CLNK: variants seen among roughly 807,000 people sequenced by gnomAD.
The protein encoded by CLNK is cytokine-dependent hematopoietic cell linker.
A neutral mutation model predicts 68.6 loss-of-function variants in CLNK; 74 were observed. That is an observed-to-expected ratio of 1.08 (90% CI 0.89 to 1.31). CLNK has a LOEUF of 1.31. Among genes scored for constraint, CLNK ranks in the 50% most tolerant of loss-of-function variants. CLNK has a pLI of 0.00. For synonymous variants in CLNK, 198 were observed against 172.2 expected, an observed-to-expected ratio of 1.15 and a Z score of -1.17; for missense variants, 553 against 515.3, an observed-to-expected ratio of 1.07 and a Z score of -0.71.
chr4:10,564,351 G>C (rs1720012869), intron 7 of CLNK, among the ~76,000 whole-genome samples: 1 of 152,190 alleles, frequency 6.6e-6, no homozygotes, highest in Non-Finnish European at 1.5e-5. Flanking sequence ...ATTATGATCA[G>C]AAAGATTTGA....
chr4:10,537,684 TTCCTTCCTTC>T (rs1718838768), intron 11 of CLNK, among the ~76,000 whole-genome samples: 5 of 58,962 alleles, frequency 8.5e-5, no homozygotes, highest in African/African-American at 1.3e-4. Flanking sequence ...TCTTTCTTCC[TTCCTTCCTTC>T]CTTCCTTCCT....
At chr4:10,643,253 T>C (rs1342861059) in intron 2 of CLNK, among the ~76,000 whole-genome samples, 1 of 152,214 alleles carries the variant, frequency 6.6e-6, no homozygotes, top group African/African-American at 2.4e-5. Context: ...TTCACACTCA[T>C]GAGATACCAT....
chr4:10,546,353 T>G (rs1044772148), intron 8 of CLNK, among the ~76,000 whole-genome samples: 1 of 152,234 alleles, frequency 6.6e-6, no homozygotes, highest in Non-Finnish European at 1.5e-5. Context: ...CTGCTAGATA[T>G]CCTAGTTTAT....
At chr4:10,632,035 T>C (rs564243925) in intron 2 of CLNK, among the ~76,000 whole-genome samples, 26 of 152,364 alleles carry the variant, frequency 1.7e-4, no homozygotes, top group African/African-American at 5.8e-4. Context: ...GAATAGCTCT[T>C]GTCTAGGGTG....
At chr4:10,535,213 G>GAGAA (rs57053319) in intron 11 of CLNK, among the ~76,000 whole-genome samples, 9,453 of 131,246 alleles carry the variant, frequency 0.072, 413 homozygotes, top group Middle Eastern at 0.12. Flanking sequence ...AAGAAAGAAA[G>GAGAA]AGAAAGAAAG....
At position 10,657,911 on chromosome 4, in the gene CLNK, A is replaced by G. The variant is rs538815701; in HGVS notation, c.11+9948T>C. The stretch of plus-strand genomic sequence containing the variant: ...TCCAATTACTTAGAATCAGCTTTTG[A>G]GCAACAGAAGTCAAATTATCAGTCT... On this transcript the variant is annotated intron_variant, in intron 2 of 18. Transcript: ENST00000226951. Among the ~76,000 whole-genome samples the G allele has an allele frequency of 1.6e-4, 24 of 152,340 alleles. No homozygotes were observed. The East Asian group carries it at 4.2e-3, about 27-fold the overall frequency.
At chr4:10,638,171 A>T (rs1458165724) in intron 2 of CLNK, among the ~76,000 whole-genome samples, 1 of 152,150 alleles carries the variant, frequency 6.6e-6, no homozygotes, top group Admixed American at 6.5e-5. Flanking sequence ...TGCCTGTGAG[A>T]ACACCGACTG....
intron 16 of CLNK, among the ~76,000 whole-genome samples, chr4:10,512,464 C>T (rs1171079624): frequency 6.6e-6 from 1 of 152,092 alleles, no homozygotes; most frequent in Non-Finnish European, 1.5e-5. Context: ...CTCCTGACCT[C>T]AGGTGACCTA....
the CLNK span, among the ~76,000 whole-genome samples, chr4:10,722,067 G>A: frequency 2.0e-5 from 3 of 152,166 alleles, no homozygotes; most frequent in South Asian, 2.1e-4. Context: ...CCGGCTACTC[G>A]GGAGGCTGAA....
intron 2 of CLNK, among the ~76,000 whole-genome samples, chr4:10,661,131 A>C (rs1724176624): frequency 6.6e-6 from 1 of 152,226 alleles, no homozygotes; most frequent in African/African-American, 2.4e-5. Context: ...ATCAAAGTGA[A>C]GGTGCCCCTG....
Position 10,532,292 on chromosome 4 carries a change from A to G in CLNK, c.603-9T>C. ...CCCTTAAGCTTATCTGACTGCAAGA[A>G]AAAGAAATACGGTGTTACATAAAAC... is the stretch of plus-strand genomic sequence containing the variant. On this transcript the variant is annotated splice_polypyrimidine_tract_variant and intron_variant, in intron 11 of 18. Transcript: ENST00000226951. 1 of 1,606,424 alleles carries G rather than the reference A, an allele frequency of 6.2e-7. No individual in the cohort carries two copies. The highest frequency in any genetic ancestry group is 8.5e-7 in the Non-Finnish European group (1 of 1,174,092).
chr4:10,623,810 T>A (rs1722551932), intron 2 of CLNK, among the ~76,000 whole-genome samples: 1 of 152,222 alleles, frequency 6.6e-6, no homozygotes, highest in Non-Finnish European at 1.5e-5. Flanking sequence ...ATACATTTGC[T>A]ACAGAAGGAG....
intron 1 of CLNK, among the ~76,000 whole-genome samples, chr4:10,671,872 A>G (rs1376373683): frequency 6.6e-6 from 1 of 152,228 alleles, no homozygotes; most frequent in Non-Finnish European, 1.5e-5. Flanking sequence ...AAACTATAGA[A>G]GAAACAGCTT....
At chr4:10,706,331 T>C in the CLNK span, among the ~76,000 whole-genome samples, 1 of 152,084 alleles carries the variant, frequency 6.6e-6, no homozygotes, top group Non-Finnish European at 1.5e-5. Flanking sequence ...GCTAAAGGGA[T>C]TTATTGGGGG....
chr4:10,646,768 C>A (rs1160683083), intron 2 of CLNK, among the ~76,000 whole-genome samples: 1 of 152,046 alleles, frequency 6.6e-6, no homozygotes, highest in African/African-American at 2.4e-5. Flanking sequence ...GAGCAAACAC[C>A]CACATTCAAA....
At chr4:10,538,850 C>T (rs764799996) in intron 11 of CLNK, among the ~76,000 whole-genome samples, 10 of 151,996 alleles carry the variant, frequency 6.6e-5, no homozygotes, top group Non-Finnish European at 1.2e-4. Flanking sequence ...GAGAAGGGCC[C>T]AAGGTAATAA....
At position 10,490,135 on chromosome 4, in the gene CLNK, G is replaced by A; in HGVS notation, c.*332C>T. 4.7e-6 allele frequency: 1 copy of A among 212,676 alleles called. No homozygotes were observed. The highest frequency in any genetic ancestry group is 9.3e-6 in the Non-Finnish European group (1 of 107,216). The allele number at this position is 212,676 out of a possible 1,614,324, so 13.2% of individuals were successfully genotyped here. A position where few individuals can be genotyped will look rare whatever the true frequency, so the allele number is the denominator to read the frequency against. On this transcript the variant is annotated 3_prime_UTR_variant, in exon 19 of 19. Coordinates refer to ENST00000226951, the MANE Select transcript of CLNK (RefSeq NM_052964.4). ...GCAACAGCTTCTGGTGCCCTTTGCT[G>A]CTCGCCTGTATCATGAGCATAATGG... is the stretch of plus-strand genomic sequence containing the variant.
At chr4:10,631,170 T>A (rs1342764955) in intron 2 of CLNK, among the ~76,000 whole-genome samples, 1 of 152,160 alleles carries the variant, frequency 6.6e-6, no homozygotes, top group Non-Finnish European at 1.5e-5. Context: ...TATGGTGAGG[T>A]CAGCCCCGAA....
intron 2 of CLNK, among the ~76,000 whole-genome samples, chr4:10,646,089 C>G (rs528036737): frequency 6.6e-6 from 1 of 152,196 alleles, no homozygotes; most frequent in African/African-American, 2.4e-5. Context: ...AAAATGTTAA[C>G]AATGGTGGGT....
Sources: gnomAD v4.1 joint callset for allele counts (sites outside exome capture counted in the v4.1 genomes callset) on GRCh38, gnomAD v4.1.1 for gene constraint, MANE v1.5 for transcripts, NCBI Gene and HGNC (gene_info 2026-07-23, HGNC 2026-07-21) for gene names.